The following CHD6 variants were observed in gnomAD, a reference collection of about 807,000 sequenced individuals.
CHD6 encodes chromodomain helicase DNA binding protein 6, also known as ATP-dependent chromatin remodeler CHD6.
In CHD6, 50 loss-of-function variants were observed where a neutral mutation model predicts 276.9. The observed-to-expected ratio is 0.18, with a 90% CI of 0.14 to 0.23. CHD6 has a LOEUF of 0.23. Among genes scored for constraint, CHD6 ranks in the 10% least tolerant of loss-of-function variants. The probability of loss-of-function intolerance (pLI) is 1.00; values close to 1 mark genes in which losing one functional copy is unlikely to be tolerated. For missense variants in CHD6, 2,564 were observed against 3,365.8 expected (o/e 0.76, Z 5.89); for synonymous variants, 1,173 against 1,229.3 (o/e 0.95, Z 0.96).
intron 2 of CHD6, chr20:41,548,055 G>A: frequency 5.0e-6 from 1 of 198,864 alleles, no homozygotes; most frequent in Non-Finnish European, 1.0e-5. Context: ...ATTCACTCCA[G>A]AACATGAGCC....
chr20:41,447,668 TC>T (rs1175095212), intron 24 of CHD6, among the ~76,000 whole-genome samples: 1 of 152,228 alleles, frequency 6.6e-6, no homozygotes, highest in Non-Finnish European at 1.5e-5. Context: ...AAGCTAGGTT[TC>T]TAAGAAATGG....
chr20:41,592,672 A>C, intron 1 of CHD6, among the ~76,000 whole-genome samples: 1 of 152,204 alleles, frequency 6.6e-6, no homozygotes, highest in East Asian at 1.9e-4. Flanking sequence ...TATCCTGGCA[A>C]AATCTAATTA....
chr20:41,559,402 G>A (rs1010334380), intron 1 of CHD6, among the ~76,000 whole-genome samples: 1 of 152,114 alleles, frequency 6.6e-6, no homozygotes, highest in Non-Finnish European at 1.5e-5. Context: ...ACACCTGAAA[G>A]TTCACTTCCT....
chr20:41,429,460 CTA>C (rs947194588), intron 27 of CHD6, among the ~76,000 whole-genome samples: 10 of 152,166 alleles, frequency 6.6e-5, no homozygotes, highest in Non-Finnish European at 7.4e-5. Context: ...TTCTAACATT[CTA>C]TGACTCTCTG....
chr20:41,505,494 G>A (rs1322102269), intron 5 of CHD6, among the ~76,000 whole-genome samples: 12 of 152,176 alleles, frequency 7.9e-5, no homozygotes, highest in East Asian at 1.9e-4. Context: ...CCCACTCCCA[G>A]AACTGAGAAA....
In CHD6 at chr20:41,533,227, T is replaced by C; in HGVS notation, c.377A>G (p.Glu126Gly). 6.2e-7 allele frequency: 1 copy of C among 1,613,682 alleles called. No individual in the cohort carries two copies. The highest frequency in any genetic ancestry group is 8.5e-7 in the Non-Finnish European group (1 of 1,179,980). Residue 126 changes from glutamate to glycine, a missense_variant, in exon 3 of 37, where the codon GAG (glutamate) becomes GGG (glycine). By Grantham distance (98) the Glu-to-Gly change is moderately conservative (BLOSUM62 -2). Transcript: ENST00000373233. ...CTTGGCCTTTCTGGGTTCCTTTGGCTCTTTCGGTTCTCGTTTCCTCTTTGG... is the reference window on the plus strand; with the variant it reads ...CTTGGCCTTTCTGGGTTCCTTTGGCCCTTTCGGTTCTCGTTTCCTCTTTGG... ...PKPKRKREPK[E>G]PKEPRKAKEP...
chr20:41,592,224 A>C (rs186937978), intron 1 of CHD6, among the ~76,000 whole-genome samples: 4 of 152,334 alleles, frequency 2.6e-5, no homozygotes, highest in Admixed American at 6.5e-5. Context: ...CAAAACAAAA[A>C]AAACTTTTGT....
intron 2 of CHD6, among the ~76,000 whole-genome samples, chr20:41,540,789 A>C (rs920877309): frequency 4.6e-5 from 7 of 152,160 alleles, no homozygotes; most frequent in Non-Finnish European, 8.8e-5. Flanking sequence ...AAACATAAAA[A>C]CGAGTAGAAA....
intron 1 of CHD6, among the ~76,000 whole-genome samples, chr20:41,609,657 T>G (rs930631997): frequency 2.0e-5 from 3 of 152,156 alleles, no homozygotes; most frequent in African/African-American, 7.2e-5. Context: ...ATAAACCACA[T>G]AGGACACCCG....
At position 41,412,252 on chromosome 20, in the gene CHD6, G is replaced by A; in HGVS notation, c.7143C>T (p.Asp2381=). 6.2e-7 allele frequency: 1 copy of A among 1,614,086 alleles called. No homozygotes were observed. Among genetic ancestry groups the A allele is most frequent in the Non-Finnish European group, 8.5e-7 (1 of 1,179,992 alleles). The change falls in exon 36 of 37, where the codon GAC becomes GAT. Residue 2381 remains aspartate, a synonymous_variant. Transcript: ENST00000373233. The part of the protein sequence containing the change: ...EVPGFGANFS[D]KPKQRRPRCK... The stretch of plus-strand genomic sequence containing the variant: ...AGCGTGGCCTCCTCTGCTTTGGTTT[G>A]TCTGAAAAATTCTAGGATGAAAACG...
At chr20:41,552,257 T>C (rs2045158061) in intron 1 of CHD6, among the ~76,000 whole-genome samples, 1 of 152,230 alleles carries the variant, frequency 6.6e-6, no homozygotes, top group South Asian at 2.1e-4. Context: ...CTATTTTTTG[T>C]TGACTTTGAT....
Position 41,421,410 on chromosome 20 carries a change from T to C in CHD6, c.5225A>G (p.Asp1742Gly), listed in dbSNP as rs562870949. The stretch of plus-strand genomic sequence containing the variant: ...AGGGCCACCAGACTGGCAGTTCCCA[T>C]CTTTGCTTATTGAGATGGTAATAAC... The part of the protein sequence containing the change: ...KDVITISISK[D>G]GNCQSGGPEA... The change falls in exon 31 of 37, where the codon GAT (aspartate) becomes GGT (glycine). Residue 1742 changes from aspartate to glycine, a missense_variant. Transcript: ENST00000373233. 6.2e-7 allele frequency: 1 copy of C among 1,614,148 alleles called. No homozygotes were observed. Among genetic ancestry groups the C allele is most frequent in the Non-Finnish European group, 8.5e-7 (1 of 1,180,022 alleles).
intron 1 of CHD6, among the ~76,000 whole-genome samples, chr20:41,569,003 CT>C (rs1330670680): frequency 6.6e-6 from 1 of 152,142 alleles, no homozygotes; most frequent in Non-Finnish European, 1.5e-5. Flanking sequence ...CCAATTCCTC[CT>C]TCCTAGAAGC....
intron 7 of CHD6, 171 bp downstream of exon 7, chr20:41,497,997 G>A: frequency 1.7e-6 from 1 of 581,310 alleles, no homozygotes; most frequent in Non-Finnish European, 3.1e-6. Flanking sequence ...GTAATTCTGT[G>A]TGCAGCTATA....
At chr20:41,549,585 T>C (rs1450061216) in intron 2 of CHD6, among the ~76,000 whole-genome samples, 1 of 149,602 alleles carries the variant, frequency 6.7e-6, no homozygotes, top group Non-Finnish European at 1.5e-5. Context: ...ATGGCACATG[T>C]ATACATATGT....
intron 35 of CHD6, among the ~76,000 whole-genome samples, chr20:41,412,664 C>T (rs921388844): frequency 2.6e-5 from 4 of 152,150 alleles, no homozygotes; most frequent in African/African-American, 9.7e-5. Context: ...TCTTCCTGTG[C>T]GCTCTCTACC....
chr20:41,528,410 C>T (rs2044597199), intron 3 of CHD6, among the ~76,000 whole-genome samples: 1 of 152,132 alleles, frequency 6.6e-6, no homozygotes, highest in African/African-American at 2.4e-5. Flanking sequence ...CTCCAATCCT[C>T]TCTGGAATAA....
At chr20:41,617,019 C>A (rs2045939958) in intron 1 of CHD6, among the ~76,000 whole-genome samples, 1 of 152,074 alleles carries the variant, frequency 6.6e-6, no homozygotes, top group Non-Finnish European at 1.5e-5. Flanking sequence ...AATTGGGGGC[C>A]CATTGGGATG....
At chr20:41,563,791 A>G (rs1325437511) in intron 1 of CHD6, among the ~76,000 whole-genome samples, 1 of 152,188 alleles carries the variant, frequency 6.6e-6, no homozygotes, top group Non-Finnish European at 1.5e-5. Context: ...CAGATCAGGA[A>G]TGAACACAGC....
Sources: allele counts gnomAD v4.1 joint callset (sites outside exome capture counted in the v4.1 genomes callset), GRCh38; gene constraint gnomAD v4.1.1; transcripts MANE v1.5; gene names NCBI Gene and HGNC (gene_info 2026-07-23, HGNC 2026-07-21).